The following EXPH5 variants were observed in gnomAD, a reference collection of about 807,000 sequenced individuals.
EXPH5 encodes exophilin-5.
Under a neutral mutation model 41.1 loss-of-function variants are expected in EXPH5, and 42 were observed. The observed-to-expected ratio is 1.02, with a 90% confidence interval of 0.80 to 1.32. The LOEUF (loss-of-function observed/expected upper bound fraction) is 1.32, where lower values mean the gene tolerates loss of function less well. EXPH5 is among the 40% of genes most tolerant of loss of function. The pLI, the probability that EXPH5 is intolerant of heterozygous loss-of-function variation, is 0.00. For synonymous variants in EXPH5, 798 were observed against 833.5 expected (o/e 0.96, Z 0.73); for missense variants, 2,298 against 2,314.5 (o/e 0.99, Z 0.15).
At chr11:108,548,929 A>G (rs1048565433) in intron 1 of EXPH5, among the ~76,000 whole-genome samples, 4 of 152,244 alleles carry the variant, frequency 2.6e-5, no homozygotes, top group Admixed American at 6.5e-5. Context: ...AGTACTTTCT[A>G]TTTCCACTAG....
At chr11:108,538,182 A>G in intron 3 of EXPH5, 1 of 985,528 alleles carries the variant, frequency 1.0e-6, no homozygotes, top group Non-Finnish European at 1.2e-6. Context: ...TTTCTCAGCG[A>G]CAGTGACCTC....
At chr11:108,533,420 G>C (rs540803888) in intron 3 of EXPH5, among the ~76,000 whole-genome samples, 1 of 152,274 alleles carries the variant, frequency 6.6e-6, no homozygotes, top group South Asian at 2.1e-4. Context: ...GGCCAGACTA[G>C]TCTCGAACTT....
In EXPH5 at chr11:108,562,958, C is replaced by G. The variant is rs149967621; in HGVS notation, c.120-21146G>C. Among the ~76,000 whole-genome samples, 1,149 of 152,284 alleles carry G rather than the reference C, an allele frequency of 7.5e-3. 11 individuals are homozygous for G. Among genetic ancestry groups the G allele is most frequent in the Non-Finnish European group, 0.012 (821 of 68,022 alleles). On this transcript the variant is annotated intron_variant, in intron 1 of 5. Transcript: ENST00000265843. Reference sequence around the variant, plus strand: ...CTCAGTTTTAGCTAAAGCATGAAAGCAAGAGATTCAAGACATCTAAGGGAG... The same window carrying G: ...CTCAGTTTTAGCTAAAGCATGAAAGGAAGAGATTCAAGACATCTAAGGGAG...
At position 108,575,291 on chromosome 11, in the gene EXPH5, C is replaced by T. The variant is rs576756442; in HGVS notation, c.119+18127G>A. Among the ~76,000 whole-genome samples the T allele has an allele frequency of 2.0e-5, 3 of 152,282 alleles. No homozygotes were observed. The East Asian group carries it at 5.8e-4, about 29-fold the overall frequency. On this transcript the variant is annotated intron_variant, in intron 1 of 5. Coordinates refer to ENST00000265843, the MANE Select transcript of EXPH5 (RefSeq NM_015065.3). ...AGGATTCGTTAAAACAAAGGCCTTC[C>T]CGCACTGCCAGTGAAGGTGCAATTT...
At chr11:108,568,847 C>G (rs1320056371) in intron 1 of EXPH5, among the ~76,000 whole-genome samples, 1 of 152,176 alleles carries the variant, frequency 6.6e-6, no homozygotes, top group South Asian at 2.1e-4. Flanking sequence ...TTCTCTTCCT[C>G]CCTAATCGAG....
At chr11:108,550,999 C>A (rs2093961812) in intron 1 of EXPH5, among the ~76,000 whole-genome samples, 1 of 152,112 alleles carries the variant, frequency 6.6e-6, no homozygotes, top group South Asian at 2.1e-4. Context: ...TGGCCAAACA[C>A]CCTGTCTTCG....
chr11:108,510,157 C>T lies in EXPH5; in HGVS notation c.5350G>A (p.Glu1784Lys), dbSNP rs1336785746. ...TAGAGGTGTGGCTCAGGTTCCCACTCCAGAGATGAAGCACTCCTTTGTTGC... is the reference window on the plus strand; with the variant it reads ...TAGAGGTGTGGCTCAGGTTCCCACTTCAGAGATGAAGCACTCCTTTGTTGC... Reference protein sequence around the residue: ...LQQQRSASSLEWEPEPHLYRS... With the variant: ...LQQQRSASSLKWEPEPHLYRS... Residue 1784 changes from glutamate to lysine, a missense_variant, in exon 6 of 6, where the codon GAG (glutamate) becomes AAG (lysine). Transcript: ENST00000265843. The T allele has an allele frequency of 1.2e-6, 2 of 1,613,986 alleles. No individual in the cohort carries two copies. The highest frequency in any genetic ancestry group is 2.2e-5 in the East Asian group (1 of 44,870).
At chr11:108,517,445 C>T (rs891580538) in intron 5 of EXPH5, among the ~76,000 whole-genome samples, 1 of 152,138 alleles carries the variant, frequency 6.6e-6, no homozygotes, top group Admixed American at 6.5e-5. Flanking sequence ...ATGGGCCAGG[C>T]GATGGTATTG....
intron 5 of EXPH5, among the ~76,000 whole-genome samples, chr11:108,515,962 C>G (rs2093722998): frequency 6.6e-6 from 1 of 151,402 alleles, no homozygotes; most frequent in East Asian, 2.0e-4. Flanking sequence ...GTCTCAGCTA[C>G]TCGGGAGGCT....
chr11:108,513,509 C>A lies in EXPH5; in HGVS notation c.1998G>T (p.Met666Ile). 6.2e-7 allele frequency: 1 copy of A among 1,614,176 alleles called. No individual in the cohort carries two copies. Among genetic ancestry groups the A allele is most frequent in the Non-Finnish European group, 8.5e-7 (1 of 1,180,022 alleles). ...TCACAGTGACTTCTGTATGGCTTCTCATTGGATGAGAGGCAGGCTTATTTG... is the reference window on the plus strand; with the variant it reads ...TCACAGTGACTTCTGTATGGCTTCTAATTGGATGAGAGGCAGGCTTATTTG... ...IFPNKPASHPMRSHTEVTVTS... is the reference protein window; with the variant it reads ...IFPNKPASHPIRSHTEVTVTS... The change falls in exon 6 of 6, where the codon ATG (methionine) becomes ATT (isoleucine). Residue 666 changes from methionine to isoleucine, a missense_variant. Met to Ile is a conservative substitution (Grantham distance 10). Coordinates refer to ENST00000265843, the MANE Select transcript of EXPH5 (RefSeq NM_015065.3).
intron 1 of EXPH5, among the ~76,000 whole-genome samples, chr11:108,553,023 C>T (rs1257803668): frequency 6.6e-6 from 1 of 152,022 alleles, no homozygotes; most frequent in Non-Finnish European, 1.5e-5. Context: ...TGGTGAAAGC[C>T]TGTCTCTACA....
At position 108,591,704 on chromosome 11, in the gene EXPH5, A is replaced by G. The variant is rs561826562; in HGVS notation, c.119+1714T>C. Among the ~76,000 whole-genome samples the G allele has an allele frequency of 3.0e-4, 46 of 152,358 alleles. No individual in the cohort carries two copies. The South Asian group carries it at 9.3e-3, about 31-fold the overall frequency. ...GACCTTCCTTCTAATGCCCAGCCCA[A>G]TGGCTTTGTGTAGATACACGTGCTT... On this transcript the variant is annotated intron_variant, in intron 1 of 5. Coordinates refer to ENST00000265843, the MANE Select transcript of EXPH5 (RefSeq NM_015065.3).
chr11:108,602,549 CTT>C, the EXPH5 span, among the ~76,000 whole-genome samples: 14 of 141,288 alleles, frequency 9.9e-5, no homozygotes, highest in Admixed American at 1.4e-4. Context: ...CTAAAACTGC[CTT>C]TTTTTTTTTT....
chr11:108,510,913 T>C lies in EXPH5; in HGVS notation c.4594A>G (p.Ser1532Gly). 6.2e-7 allele frequency: 1 copy of C among 1,614,202 alleles called. No homozygotes were observed. Among genetic ancestry groups the C allele is most frequent in the Non-Finnish European group, 8.5e-7 (1 of 1,180,020 alleles). Residue 1532 changes from serine (S) to glycine (G), a missense_variant, in exon 6 of 6, where the codon AGT becomes GGT. Ser to Gly is a moderately conservative substitution (Grantham distance 56). Transcript: ENST00000265843. ...AATTCTCTTGGTTCAGACTGCAGAC[T>C]CTCTAAGTTTGGTTCATCTGACTGA... is the stretch of plus-strand genomic sequence containing the variant. Reference protein sequence around the residue: ...ETQSDEPNLESLQSEPRELPQ... With the variant: ...ETQSDEPNLEGLQSEPRELPQ...
At chr11:108,577,014 T>C (rs1195832442) in intron 1 of EXPH5, among the ~76,000 whole-genome samples, 1 of 152,238 alleles carries the variant, frequency 6.6e-6, no homozygotes, top group African/African-American at 2.4e-5. Flanking sequence ...TTATTTCACT[T>C]AATATAATAT....
At chr11:108,597,787 T>C (rs2094140805), upstream of EXPH5, among the ~76,000 whole-genome samples, 1 of 152,076 alleles carries the variant, frequency 6.6e-6, no homozygotes, top group African/African-American at 2.4e-5. Context: ...AAATTGATCA[T>C]AGATGATAAT....
At chr11:108,563,938 G>C (rs2094023579) in intron 1 of EXPH5, among the ~76,000 whole-genome samples, 1 of 152,162 alleles carries the variant, frequency 6.6e-6, no homozygotes, top group Non-Finnish European at 1.5e-5. Context: ...AAAGTGACCA[G>C]AAAAGTCAAG....
At chr11:108,538,581 G>C (rs1423502316) in intron 3 of EXPH5, among the ~76,000 whole-genome samples, 1 of 151,828 alleles carries the variant, frequency 6.6e-6, no homozygotes, top group African/African-American at 2.4e-5. Context: ...TAGTCTCTTT[G>C]TTCATCTCAC....
intron 3 of EXPH5, chr11:108,538,097 C>T (rs992599820): frequency 2.2e-5 from 22 of 985,402 alleles, no homozygotes; most frequent in Middle Eastern, 5.2e-4. Context: ...CTCCATTCAC[C>T]CAAGAGGGGA....
Sources: gnomAD v4.1 joint callset for allele counts (sites outside exome capture counted in the v4.1 genomes callset) on GRCh38, gnomAD v4.1.1 for gene constraint, MANE v1.5 for transcripts, NCBI Gene and HGNC (gene_info 2026-07-23, HGNC 2026-07-21) for gene names.